ZNF492: variants seen among roughly 807,000 people sequenced by gnomAD.
ZNF492 encodes the protein zinc finger protein 115 (Y20).
Under a neutral mutation model 6.4 loss-of-function variants are expected in ZNF492, and 3 were observed. That is an observed-to-expected ratio of 0.47 (90% confidence interval 0.21 to 1.22). The LOEUF (loss-of-function observed/expected upper bound fraction) is 1.22. Among genes scored for constraint, ZNF492 ranks in the 50% most tolerant of loss-of-function variants. The pLI, the probability that ZNF492 is intolerant of heterozygous loss-of-function variation, is 0.22. For synonymous variants in ZNF492, 112 were observed against 205.3 expected, an observed-to-expected ratio of 0.55 and a Z score of 3.89; for missense variants, 356 against 612.5, an observed-to-expected ratio of 0.58 and a Z score of 4.42.
chr19:22,641,529 A>G (rs1481541446), intron 1 of ZNF492, among the ~76,000 whole-genome samples: 1 of 152,156 alleles, frequency 6.6e-6, no homozygotes, highest in African/African-American at 2.4e-5. Flanking sequence ...TGTGTGGTCA[A>G]TTTTAGAGTA....
At chr19:22,661,804 C>A (rs368940760) in intron 3 of ZNF492, among the ~76,000 whole-genome samples, 77 of 152,152 alleles carry the variant, frequency 5.1e-4, no homozygotes, top group South Asian at 1.2e-3. Context: ...CTATGTTGCC[C>A]AGGCTTGGTC....
chr19:22,652,221 CTTT>C (rs59051481), intron 1 of ZNF492, among the ~76,000 whole-genome samples: 3 of 105,468 alleles, frequency 2.8e-5, no homozygotes, highest in African/African-American at 5.7e-5. Context: ...CTTTCTTAGG[CTTT>C]TTTTTTTTTT....
intron 1 of ZNF492, among the ~76,000 whole-genome samples, chr19:22,641,291 A>G (rs982135659): frequency 6.6e-6 from 1 of 152,022 alleles, no homozygotes; most frequent in Non-Finnish European, 1.5e-5. Context: ...AAATTCAGGT[A>G]TGTTGTATCT....
At position 22,666,025 on chromosome 19, in the gene ZNF492, A is replaced by G. The variant is rs1774865620; in HGVS notation, c.*760A>G. The G allele has an allele frequency of 6.6e-6, 1 of 150,860 alleles. No homozygotes were observed. The highest frequency in any genetic ancestry group is 1.5e-5 in the Non-Finnish European group (1 of 67,912). The allele number at this position is 150,860 out of a possible 1,614,324, so 9.3% of individuals were successfully genotyped here. On this transcript the variant is annotated 3_prime_UTR_variant, in exon 4 of 4. Coordinates refer to ENST00000456783, the MANE Select transcript of ZNF492 (RefSeq NM_020855.3). ...GAAGATTTTTTGGAGAGTTACAAGT[A>G]TACTTTTTTTTAGAAAGATTACAGA...
In ZNF492 at chr19:22,664,927, C is replaced by T. The variant is rs770370491; in HGVS notation, c.1258C>T (p.Pro420Ser). Residue 420 changes from proline (P) to serine (S), a missense_variant, in exon 4 of 4, where the codon CCC (proline) becomes TCC (serine). Physicochemically the swap from Pro to Ser is moderately conservative, Grantham distance 74. Coordinates refer to ENST00000456783, the MANE Select transcript of ZNF492 (RefSeq NM_020855.3). Reference sequence around the variant, plus strand: ...TAAGATAATTCATACTGGAGAGAAACCCTACAAATGTGAAGAATGTGGCAA... The same window carrying T: ...TAAGATAATTCATACTGGAGAGAAATCCTACAAATGTGAAGAATGTGGCAA... Reference protein sequence around the residue: ...THKIIHTGEKPYKCEECGKAF... With the variant: ...THKIIHTGEKSYKCEECGKAF... 1 of 1,610,470 alleles carries T rather than the reference C, an allele frequency of 6.2e-7. No individual in the cohort carries two copies. Among genetic ancestry groups the T allele is most frequent in the Non-Finnish European group, 8.5e-7 (1 of 1,178,088 alleles).
intron 3 of ZNF492, among the ~76,000 whole-genome samples, chr19:22,658,724 C>T (rs879756963): frequency 2.2e-3 from 294 of 136,142 alleles, no homozygotes; most frequent in African/African-American, 9.2e-3. Context: ...ATCTGCTGAA[C>T]GATTTGGTGA....
chr19:22,666,016 G>A lies in ZNF492; in HGVS notation c.*751G>A, dbSNP rs1052846672. The A allele has an allele frequency of 3.3e-5, 5 of 151,528 alleles. No homozygotes were observed. The highest frequency in any genetic ancestry group is 7.4e-5 in the Non-Finnish European group (5 of 67,924). 9.4% of individuals were successfully genotyped at this position (151,528 alleles called of 1,614,324 possible). On this transcript the variant is annotated 3_prime_UTR_variant, in exon 4 of 4. Transcript: ENST00000456783. ...AAAAGAGTAGAAGATTTTTTGGAGAGTTACAAGTATACTTTTTTTTAGAAA... is the reference window on the plus strand; with the variant it reads ...AAAAGAGTAGAAGATTTTTTGGAGAATTACAAGTATACTTTTTTTTAGAAA...
At chr19:22,643,274 CA>C (rs1971846727) in intron 1 of ZNF492, among the ~76,000 whole-genome samples, 1 of 151,606 alleles carries the variant, frequency 6.6e-6, no homozygotes, top group South Asian at 2.1e-4. Context: ...ACTCTATCCT[CA>C]AAAAAATAAA....
Position 22,666,487 on chromosome 19 carries a change from G to A in ZNF492, c.*1222G>A, listed in dbSNP as rs1280373058. 1 of 152,142 alleles carries A rather than the reference G, an allele frequency of 6.6e-6. No homozygotes were observed. Among genetic ancestry groups the A allele is most frequent in the African/African-American group, 2.4e-5 (1 of 41,432 alleles). The allele number at this position is 152,142 out of a possible 1,614,324, so 9.4% of individuals were successfully genotyped here. A position where few individuals can be genotyped will look rare whatever the true frequency, so the allele number is the denominator to read the frequency against. On this transcript the variant is annotated 3_prime_UTR_variant, in exon 4 of 4. Transcript: ENST00000456783. ...ATTACAGGTGTTAGCCACTGCGCCT[G>A]CCTGATGTTGTTTCTTTATTCCTAT...
rs543215751 is a variant in ZNF492 at position 22,652,619 on chromosome 19, A to G, written c.-93-688A>G. On this transcript the variant is annotated intron_variant, in intron 1 of 3. Transcript: ENST00000456783. ...TTTTGAGACGGAGTCTCGCTCTGTC[A>G]CCCAGGCTGGAGTGCAGTGGCGCGA... 1.4e-3 allele frequency among the ~76,000 whole-genome samples: 210 copies of G among 146,042 alleles called. 3 individuals are homozygous for G. The highest frequency in any genetic ancestry group is 5.1e-3 in the African/African-American group (201 of 39,424).
In ZNF492 at chr19:22,667,269, C is replaced by T. The variant is rs559399387; in HGVS notation, c.*2004C>T. On this transcript the variant is annotated 3_prime_UTR_variant, in exon 4 of 4. Transcript: ENST00000456783. ...AATAAAATAAATGGTGGTAACAATA[C>T]ACTATTTGGTAAAAGAATGCACTAA... 1 of 152,058 alleles carries T rather than the reference C, an allele frequency of 6.6e-6. No homozygotes were observed. Among genetic ancestry groups the T allele is most frequent in the African/African-American group, 2.4e-5 (1 of 41,428 alleles). The allele number at this position is 152,058 out of a possible 1,614,324, so 9.4% of individuals were successfully genotyped here. A position where few individuals can be genotyped will look rare whatever the true frequency, so the allele number is the denominator to read the frequency against.
Position 22,653,926 on chromosome 19 carries a change from C to T in ZNF492, c.41C>T (p.Ala14Val). The change falls in exon 3 of 4, where the codon GCT (alanine) becomes GTT (valine). Residue 14 changes from alanine to valine, a missense_variant. By Grantham distance (64) the Ala-to-Val change is moderately conservative. Around this residue, in one of 7 missense-constraint regions of ZNF492, gnomAD observed 196 missense variants for 219.4 expected, o/e 0.89. Coordinates refer to ENST00000456783, the MANE Select transcript of ZNF492 (RefSeq NM_020855.3). ...GTTATTTGTAATAAAACAGGTATTG[C>T]TGCCTCTAAGCCAGACCTGATCACC... ...NYRNLVFVGI[A>V]ASKPDLITCL... The T allele has an allele frequency of 6.3e-7, 1 of 1,581,416 alleles. No individual in the cohort carries two copies. The highest frequency in any genetic ancestry group is 8.5e-7 in the Non-Finnish European group (1 of 1,171,230).
intron 3 of ZNF492, among the ~76,000 whole-genome samples, chr19:22,659,578 A>ACG (rs1478948361): frequency 1.3e-5 from 2 of 150,276 alleles, no homozygotes; most frequent in Non-Finnish European, 2.9e-5. Context: ...ACACACACAC[A>ACG]CACACACACA....
chr19:22,634,559 T>C, intron 1 of ZNF492, 85 bp downstream of exon 1: 5 of 1,230,902 alleles, frequency 4.1e-6, no homozygotes, highest in Non-Finnish European at 5.8e-6. Flanking sequence ...GACTCAGGCC[T>C]CCCCGCAGTC....
At chr19:22,646,975 C>T (rs1390103605) in intron 1 of ZNF492, among the ~76,000 whole-genome samples, 5 of 152,046 alleles carry the variant, frequency 3.3e-5, no homozygotes, top group South Asian at 2.1e-4. Flanking sequence ...CCGCAACCTC[C>T]GCCTCCTGGG....
At position 22,666,658 on chromosome 19, in the gene ZNF492, C is replaced by T. The variant is rs1972132534; in HGVS notation, c.*1393C>T. 1 of 152,084 alleles carries T rather than the reference C, an allele frequency of 6.6e-6. No homozygotes were observed. The highest frequency in any genetic ancestry group is 1.5e-5 in the Non-Finnish European group (1 of 68,016). 9.4% of individuals were successfully genotyped at this position (152,084 alleles called of 1,614,324 possible). A position where few individuals can be genotyped will look rare whatever the true frequency, so the allele number is the denominator to read the frequency against. On this transcript the variant is annotated 3_prime_UTR_variant, in exon 4 of 4. Coordinates refer to ENST00000456783, the MANE Select transcript of ZNF492 (RefSeq NM_020855.3). ...AAAGAGGTTCTTTGTGATTCACTTA[C>T]AGTACTGAGTGATGCATGAGGTAGG...
rs180680458 is a variant in ZNF492, at chr19:22,639,508, C to T, written c.-94+5034C>T. ...GGCAGATCATCTGAGGTCGGAAGTT[C>T]AAGACCAGCCTGACCAACATGGAGA... On this transcript the variant is annotated intron_variant, in intron 1 of 3. Coordinates refer to ENST00000456783, the MANE Select transcript of ZNF492 (RefSeq NM_020855.3). Among the ~76,000 whole-genome samples, 92 of 151,790 alleles carry T rather than the reference C, an allele frequency of 6.1e-4. 2 individuals are homozygous for T. Among genetic ancestry groups the T allele is most frequent in the Non-Finnish European group, 1.3e-3 (85 of 67,994 alleles).
At chr19:22,646,252 T>C (rs971853196) in intron 1 of ZNF492, among the ~76,000 whole-genome samples, 1 of 152,180 alleles carries the variant, frequency 6.6e-6, no homozygotes. Flanking sequence ...TTGTTAGCTG[T>C]ATTTTTAGAT....
chr19:22,645,336 T>C (rs1971867455), intron 1 of ZNF492, among the ~76,000 whole-genome samples: 1 of 152,186 alleles, frequency 6.6e-6, no homozygotes, highest in Non-Finnish European at 1.5e-5. Context: ...CATGAGCCAC[T>C]ACACCCAGCC....
Sources: allele counts gnomAD v4.1 joint callset (sites outside exome capture counted in the v4.1 genomes callset), GRCh38; gene constraint gnomAD v4.1.1; regional missense constraint gnomAD v4.1.1; transcripts MANE v1.5; gene names NCBI Gene and HGNC (gene_info 2026-07-23, HGNC 2026-07-21).